FGFR2: variants seen among roughly 807,000 people sequenced by gnomAD.
FGFR2 encodes the protein BEK fibroblast growth factor receptor.
In FGFR2, 19 loss-of-function variants were observed where a neutral mutation model predicts 95.9. The observed-to-expected ratio is 0.20, with a 90% confidence interval of 0.14 to 0.29. The LOEUF is 0.29. Among genes scored for constraint, FGFR2 ranks in the 10% least tolerant of loss-of-function variants. FGFR2 has a pLI of 1.00. For synonymous variants in FGFR2, 392 were observed against 393.3 expected (o/e 1.00, Z 0.04); for missense variants, 707 against 1,056.9 (o/e 0.67, Z 4.59).
intron 9 of FGFR2, among the ~76,000 whole-genome samples, chr10:121,509,732 G>A (rs1335623934): frequency 2.6e-5 from 4 of 151,692 alleles, no homozygotes; most frequent in Non-Finnish European, 5.9e-5. Flanking sequence ...ATCCACCTAC[G>A]TCGGCCTCCC....
chr10:121,524,748 C>T (rs1851107735), intron 6 of FGFR2, among the ~76,000 whole-genome samples: 1 of 152,202 alleles, frequency 6.6e-6, no homozygotes, highest in Admixed American at 6.5e-5. Flanking sequence ...AGTGGGGGCC[C>T]CCTTCGTGGC....
intron 4 of FGFR2, among the ~76,000 whole-genome samples, chr10:121,560,748 ATTATCCAC>A (rs1258925995): frequency 6.6e-6 from 1 of 151,800 alleles, no homozygotes; most frequent in Non-Finnish European, 1.5e-5. Flanking sequence ...CACTCACCTT[ATTATCCAC>A]TGTTTTACGA....
At chr10:121,574,996 C>T (rs555219966) in intron 2 of FGFR2, among the ~76,000 whole-genome samples, 2 of 152,286 alleles carry the variant, frequency 1.3e-5, no homozygotes, top group East Asian at 3.9e-4. Flanking sequence ...ACAAGGATGC[C>T]GGTAACAACA....
At chr10:121,544,684 T>C (rs1854264262) in intron 5 of FGFR2, among the ~76,000 whole-genome samples, 1 of 152,122 alleles carries the variant, frequency 6.6e-6, no homozygotes, top group Non-Finnish European at 1.5e-5. Context: ...AAATGAGTAC[T>C]TACTACTTAA....
rs1218734200 is a variant in FGFR2, at chr10:121,581,915, TTTTG to T, written c.109+11790_109+11793del. ...CTGGACCTAGCCCTTCATTTTTTAT[TTTTG>T]TTTATTTATTTTGATTTTTTTTTTT... On this transcript the variant is annotated intron_variant, in intron 2 of 17. Transcript: ENST00000358487. Among the ~76,000 whole-genome samples the T allele has an allele frequency of 3.4e-3, 498 of 147,066 alleles. 1 individual carries two copies. The highest frequency in any genetic ancestry group is 0.012 in the African/African-American group (469 of 39,014).
intron 5 of FGFR2, 60 bp from the exon 6 acceptor site, chr10:121,538,775 G>A (rs749941207): frequency 3.1e-6 from 5 of 1,609,314 alleles, no homozygotes; most frequent in Admixed American, 3.3e-5. Flanking sequence ...ACCAAGTACT[G>A]TGCTTTCTTG....
Position 121,517,573 on chromosome 10 carries a change from C to G in FGFR2, c.940-110G>C, listed in dbSNP as rs1589829363. ...CGGGGGCTTCAGGGGGTGCTGGCCACTGGGAGATTCCGACTGCAGCCCATC... is the reference window on the plus strand; with the variant it reads ...CGGGGGCTTCAGGGGGTGCTGGCCAGTGGGAGATTCCGACTGCAGCCCATC... On this transcript the variant is annotated intron_variant, in intron 7 of 17. Coordinates refer to ENST00000358487, the MANE Select transcript of FGFR2 (RefSeq NM_000141.5). The surrounding 1 kb of genome is among the most constrained non-coding windows in gnomAD (Gnocchi z 4.7). 1 of 1,283,990 alleles carries G rather than the reference C, an allele frequency of 7.8e-7. No homozygotes were observed. The highest frequency in any genetic ancestry group is 2.4e-5 in the East Asian group (1 of 42,152). The allele number at this position is 1,283,990 out of a possible 1,614,324, so 79.5% of individuals were successfully genotyped here.
Position 121,551,303 on chromosome 10 carries a change from A to G in FGFR2, c.611T>C (p.Ile204Thr). The change falls in exon 5 of 18, where the codon ATT becomes ACT. Residue 204 changes from isoleucine (I) to threonine (T), a missense_variant. This residue lies in a region of FGFR2 where 139 missense variants were observed against 278.1 expected (regional missense o/e 0.50). Coordinates refer to ENST00000358487, the MANE Select transcript of FGFR2 (RefSeq NM_000141.5). ...NGKEFKQEHR[I>T]GGYKVRNQHW... Reference sequence around the variant, plus strand: ...GCTTAATTCTACCTTGTAGCCTCCAATGCGATGCTCCTGCTTAAACTCCTT... The same window carrying G: ...GCTTAATTCTACCTTGTAGCCTCCAGTGCGATGCTCCTGCTTAAACTCCTT... 1.2e-6 allele frequency: 2 copies of G among 1,614,188 alleles called. No individual in the cohort carries two copies. The highest frequency in any genetic ancestry group is 1.1e-5 in the South Asian group (1 of 91,080).
chr10:121,511,956 C>T (rs939377723), intron 9 of FGFR2, among the ~76,000 whole-genome samples: 8 of 152,154 alleles, frequency 5.3e-5, no homozygotes, highest in African/African-American at 1.7e-4. Context: ...ACAGGAGGAA[C>T]GAAAACCCAA....
intron 6 of FGFR2, among the ~76,000 whole-genome samples, chr10:121,525,258 G>T (rs1002622873): frequency 6.6e-6 from 1 of 152,190 alleles, no homozygotes; most frequent in Non-Finnish European, 1.5e-5. Flanking sequence ...TCAAAAGAGT[G>T]ATTGGAAGGT....
intron 4 of FGFR2, among the ~76,000 whole-genome samples, chr10:121,552,705 G>A (rs1296499023): frequency 6.6e-6 from 1 of 152,178 alleles, no homozygotes; most frequent in Admixed American, 6.5e-5. Context: ...CTTTTTTCCT[G>A]TCCAGAACCT....
intron 2 of FGFR2, among the ~76,000 whole-genome samples, chr10:121,582,523 G>A (rs535588551): frequency 5.9e-5 from 9 of 152,178 alleles, no homozygotes; most frequent in African/African-American, 1.4e-4. Flanking sequence ...GGCCAGGTGC[G>A]GTGGTTCACA....
chr10:121,565,325 A>T, intron 3 of FGFR2, 113 bp downstream of exon 3: 1 of 1,365,578 alleles, frequency 7.3e-7, no homozygotes, highest in Non-Finnish European at 1.0e-6. Flanking sequence ...AAAACTATGA[A>T]GCTGTATGCC....
At chr10:121,511,197 T>A (rs1455080217) in intron 9 of FGFR2, among the ~76,000 whole-genome samples, 1 of 151,136 alleles carries the variant, frequency 6.6e-6, no homozygotes, top group East Asian at 1.9e-4. Context: ...AAAACCACCC[T>A]GCAGCCTCTT....
At chr10:121,530,176 T>C (rs964155997) in intron 6 of FGFR2, 1 of 152,220 alleles carries the variant, frequency 6.6e-6, no homozygotes, top group Non-Finnish European at 1.5e-5. Flanking sequence ...CCCTACAGCA[T>C]CCTACCTTCT....
intron 14 of FGFR2, 135 bp from the exon 15 acceptor site, chr10:121,487,559 T>C: frequency 1.3e-6 from 1 of 741,650 alleles, no homozygotes; most frequent in South Asian, 1.6e-5. Context: ...CAGAAATCAG[T>C]CCCAATGAGG....
intron 2 of FGFR2, among the ~76,000 whole-genome samples, chr10:121,582,091 C>T (rs1861020660): frequency 6.6e-6 from 1 of 152,080 alleles, no homozygotes; most frequent in African/African-American, 2.4e-5. Flanking sequence ...GCCACCACCC[C>T]CGGCTAATTT....
intron 11 of FGFR2, 145 bp from the exon 12 acceptor site, chr10:121,498,750 A>G: frequency 1.3e-6 from 1 of 753,424 alleles, no homozygotes; most frequent in East Asian, 2.7e-5. Context: ...CCCTCATTTT[A>G]TCGAGGAAGG....
rs370950918 is a variant in FGFR2 at position 121,518,075 on chromosome 10, C to G, written c.940-612G>C. 2.8e-5 allele frequency: 14 copies of G among 492,060 alleles called. No homozygotes were observed. The highest frequency in any genetic ancestry group is 4.4e-5 in the Non-Finnish European group (11 of 252,464). The allele number at this position is 492,060 out of a possible 1,614,324, so 30.5% of individuals were successfully genotyped here. A position where few individuals can be genotyped will look rare whatever the true frequency, so the allele number is the denominator to read the frequency against. On this transcript the variant is annotated intron_variant, in intron 7 of 17. Coordinates refer to ENST00000358487, the MANE Select transcript of FGFR2 (RefSeq NM_000141.5). This position sits in a 1 kb window ranked among gnomAD's most constrained non-coding sequence, Gnocchi z 4.0. ...GGTAACCAAAAAAACTGGGCTTTTTCTCTTTTCATTAATAAACATTTGGAT... is the reference window on the plus strand; with the variant it reads ...GGTAACCAAAAAAACTGGGCTTTTTGTCTTTTCATTAATAAACATTTGGAT...
Sources: allele counts gnomAD v4.1 joint callset (sites outside exome capture counted in the v4.1 genomes callset), GRCh38; gene constraint gnomAD v4.1.1; regional missense constraint gnomAD v4.1.1; non-coding constraint Gnocchi (gnomAD v3.1); transcripts MANE v1.5; gene names NCBI Gene and HGNC (gene_info 2026-07-23, HGNC 2026-07-21).